The following SLC25A24 variants were observed in gnomAD, a reference collection of about 807,000 sequenced individuals.
SLC25A24 encodes mitochondrial adenyl nucleotide antiporter SLC25A24.
SLC25A24 carries 49 observed loss-of-function variants against 60.7 expected under a neutral mutation model. That is an observed-to-expected ratio of 0.81 (90% confidence interval 0.64 to 1.02). The LOEUF (loss-of-function observed/expected upper bound fraction) is 1.02. Ranked by LOEUF, SLC25A24 falls within the 50% of genes least tolerant of loss-of-function variation. The probability of loss-of-function intolerance (pLI) is 0.00; values close to 1 mark genes in which losing one functional copy is unlikely to be tolerated. For synonymous variants in SLC25A24, 202 were observed against 200.6 expected, an observed-to-expected ratio of 1.01 and a Z score of -0.06; for missense variants, 564 against 586.3, an observed-to-expected ratio of 0.96 and a Z score of 0.39.
chr1:108,178,135 C>T (rs1159712569), intron 3 of SLC25A24, among the ~76,000 whole-genome samples: 3 of 151,904 alleles, frequency 2.0e-5, no homozygotes, highest in East Asian at 3.9e-4. Context: ...GCACTCCAGC[C>T]TGGTGACAGA....
intron 6 of SLC25A24, among the ~76,000 whole-genome samples, chr1:108,154,739 A>T (rs141930654): frequency 3.2e-4 from 48 of 152,294 alleles, no homozygotes; most frequent in African/African-American, 1.1e-3. Flanking sequence ...CCCTTCCTTT[A>T]AGAACTACTT....
intron 5 of SLC25A24, 134 bp from the exon 6 acceptor site, chr1:108,155,269 T>C (rs1019335357): frequency 3.8e-6 from 3 of 792,582 alleles, no homozygotes; most frequent in Non-Finnish European, 3.8e-6. Context: ...TATAGAAAGG[T>C]TGAAAAATAT....
chr1:108,182,159 T>C, intron 2 of SLC25A24, 131 bp from the exon 3 acceptor site: 1 of 585,178 alleles, frequency 1.7e-6, no homozygotes, highest in Non-Finnish European at 3.1e-6. Context: ...TGTAGGTGAG[T>C]TATAGACTTG....
At chr1:108,148,409 G>A (rs1398879066) in intron 6 of SLC25A24, 23 bp from the exon 7 acceptor site, 2 of 1,311,722 alleles carry the variant, frequency 1.5e-6, no homozygotes, top group Non-Finnish European at 1.1e-6. Flanking sequence ...GTTTTAAAAT[G>A]CACATTACTA....
chr1:108,149,524 G>A (rs1395794482), intron 6 of SLC25A24, among the ~76,000 whole-genome samples: 2 of 152,144 alleles, frequency 1.3e-5, no homozygotes, highest in Non-Finnish European at 2.9e-5. Flanking sequence ...TGAACACCTA[G>A]CAAATGTTCA....
At chr1:108,156,393 C>A (rs1679900689) in intron 5 of SLC25A24, among the ~76,000 whole-genome samples, 1 of 151,994 alleles carries the variant, frequency 6.6e-6, no homozygotes, top group Non-Finnish European at 1.5e-5. Context: ...TAAAATAGGA[C>A]AAAGGAAAAA....
At chr1:108,187,147 T>G (rs918684680) in intron 1 of SLC25A24, among the ~76,000 whole-genome samples, 1 of 151,972 alleles carries the variant, frequency 6.6e-6, no homozygotes, top group Non-Finnish European at 1.5e-5. Context: ...TGGTCAGATC[T>G]CCAACCTCCA....
intron 6 of SLC25A24, among the ~76,000 whole-genome samples, chr1:108,150,508 G>C (rs1679727953): frequency 6.6e-6 from 1 of 152,098 alleles, no homozygotes; most frequent in African/African-American, 2.4e-5. Flanking sequence ...TAACCATTTT[G>C]ATCTTCTCCA....
chr1:108,168,692 G>T (rs185984329), intron 3 of SLC25A24, among the ~76,000 whole-genome samples: 1 of 152,086 alleles, frequency 6.6e-6, no homozygotes, highest in Non-Finnish European at 1.5e-5. Context: ...TTTTCTAACC[G>T]GTTGTATGTC....
At chr1:108,139,513 C>T (rs1051038096) in intron 8 of SLC25A24, among the ~76,000 whole-genome samples, 1 of 152,156 alleles carries the variant, frequency 6.6e-6, no homozygotes, top group Non-Finnish European at 1.5e-5. Flanking sequence ...TAATATAATT[C>T]TACTAATTGT....
chr1:108,186,115 A>G (rs1166232558), intron 1 of SLC25A24, among the ~76,000 whole-genome samples, 161 bp from the exon 2 acceptor site: 1 of 152,232 alleles, frequency 6.6e-6, no homozygotes, highest in Non-Finnish European at 1.5e-5. Context: ...CTATAATAAA[A>G]GTAATTCCAC....
At position 108,143,870 on chromosome 1, in the gene SLC25A24, G is replaced by GC. The variant is rs1679514051; in HGVS notation, c.931-161_931-160insG. Among the ~76,000 whole-genome samples, 4 of 152,178 alleles carry GC rather than the reference G, an allele frequency of 2.6e-5. No homozygotes were observed. In the South Asian group the frequency reaches 8.3e-4, roughly 32 times the overall value. On this transcript the variant is annotated intron_variant, in intron 7 of 9. Transcript: ENST00000565488. ...TTCTCTTTCATGTATTACCTCTATTGGGGGGCTAAGACCAAAGCCAGAGAG... is the reference window on the plus strand; with the variant it reads ...TTCTCTTTCATGTATTACCTCTATTGCGGGGGCTAAGACCAAAGCCAGAGAG...
At chr1:108,142,435 C>T (rs772276130) in intron 8 of SLC25A24, among the ~76,000 whole-genome samples, 1 of 152,132 alleles carries the variant, frequency 6.6e-6, no homozygotes, top group Non-Finnish European at 1.5e-5. Context: ...TATTACTCAG[C>T]CATGAAAAGA....
In SLC25A24 at chr1:108,167,281, G is replaced by GAGGC. The variant is rs535503363; in HGVS notation, c.399-5992_399-5989dup. On this transcript the variant is annotated intron_variant, in intron 3 of 9. Transcript: ENST00000565488. ...CCTGCCCCCAGAGGTGGAGCCTACA[G>GAGGC]AGGCAGGCAGGCCTCCTTGAGCTGT... Among the ~76,000 whole-genome samples, 1,505 of 151,764 alleles carry GAGGC rather than the reference G, an allele frequency of 9.9e-3. 19 individuals carry two copies. Among genetic ancestry groups the GAGGC allele is most frequent in the African/African-American group, 0.035 (1,428 of 41,320 alleles).
intron 8 of SLC25A24, among the ~76,000 whole-genome samples, chr1:108,141,621 C>T (rs571269207): frequency 3.3e-5 from 5 of 152,178 alleles, no homozygotes; most frequent in African/African-American, 1.2e-4. Flanking sequence ...ATCCAAATGT[C>T]CATCAACAGA....
chr1:108,186,168 G>GA (rs1300895435), intron 1 of SLC25A24, among the ~76,000 whole-genome samples: 1 of 152,080 alleles, frequency 6.6e-6, no homozygotes, highest in Non-Finnish European at 1.5e-5. Context: ...TTTTCAATCA[G>GA]AAAAATGATG....
intron 1 of SLC25A24, chr1:108,199,501 C>G (rs547364): frequency 0.49 from 96,568 of 196,984 alleles, 24,183 homozygotes; most frequent in Admixed American, 0.56. Context: ...AAACAGTTTT[C>G]AAACAGTAGA....
intron 3 of SLC25A24, among the ~76,000 whole-genome samples, chr1:108,172,901 A>T (rs1647509525): frequency 6.6e-6 from 1 of 152,116 alleles, no homozygotes; most frequent in African/African-American, 2.4e-5. Flanking sequence ...CTGAAGAAGT[A>T]TAAACACTAG....
At chr1:108,166,847 T>C (rs1190383250) in intron 3 of SLC25A24, among the ~76,000 whole-genome samples, 1 of 152,226 alleles carries the variant, frequency 6.6e-6, no homozygotes, top group East Asian at 1.9e-4. Flanking sequence ...ACAGCGTTCC[T>C]TTGGAGGAGG....
Sources: allele counts gnomAD v4.1 joint callset (sites outside exome capture counted in the v4.1 genomes callset), GRCh38; gene constraint gnomAD v4.1.1; transcripts MANE v1.5; gene names NCBI Gene and HGNC (gene_info 2026-07-23, HGNC 2026-07-21).